CCDC175: variants seen among roughly 807,000 people sequenced by gnomAD.
CCDC175 encodes coiled-coil domain containing 175.
Under a neutral mutation model 114.6 loss-of-function variants are expected in CCDC175, and 100 were observed. That is an observed-to-expected ratio of 0.87 (90% CI 0.74 to 1.03). The LOEUF is 1.03. Among genes scored for constraint, CCDC175 ranks in the 50% least tolerant of loss-of-function variants. CCDC175 has a pLI of 0.00. For synonymous variants in CCDC175, 306 were observed against 308.7 expected, an observed-to-expected ratio of 0.99 and a Z score of 0.09; for missense variants, 880 against 917.8, an observed-to-expected ratio of 0.96 and a Z score of 0.53.
intron 11 of CCDC175, among the ~76,000 whole-genome samples, chr14:59,540,256 G>C (rs895226697): frequency 6.6e-6 from 1 of 152,212 alleles, no homozygotes; most frequent in Non-Finnish European, 1.5e-5. Context: ...TGGGAGCAAA[G>C]AGAAGTGATT....
chr14:59,539,074 G>C (rs1894597283), intron 11 of CCDC175, among the ~76,000 whole-genome samples: 1 of 152,210 alleles, frequency 6.6e-6, no homozygotes, highest in Non-Finnish European at 1.5e-5. Context: ...CAATAGAACA[G>C]CGAACAAAGC....
At chr14:59,570,482 T>C (rs1397404855) in intron 3 of CCDC175, among the ~76,000 whole-genome samples, 1 of 152,104 alleles carries the variant, frequency 6.6e-6, no homozygotes, top group African/African-American at 2.4e-5. Flanking sequence ...TTGGGCTCTC[T>C]GGGAAACAGA....
chr14:59,511,551 A>AAAAAAAAAAAAAAAAAAAAAAAAG (rs1892748221), intron 18 of CCDC175, among the ~76,000 whole-genome samples: 1 of 147,184 alleles, frequency 6.8e-6, no homozygotes, highest in Non-Finnish European at 1.5e-5. Flanking sequence ...TATTTGGTAA[A>AAAAAAAAAAAAAAAAAAAAAAAAG]AAAAAAAAAA....
At chr14:59,505,582 G>T (rs1478056409) in intron 19 of CCDC175, among the ~76,000 whole-genome samples, 1 of 152,104 alleles carries the variant, frequency 6.6e-6, no homozygotes, top group African/African-American at 2.4e-5. Flanking sequence ...CAATTACAAG[G>T]CCTCACGGGC....
chr14:59,540,919 T>C (rs1894745616), intron 10 of CCDC175, among the ~76,000 whole-genome samples, 173 bp from the exon 11 acceptor site: 3 of 152,164 alleles, frequency 2.0e-5, no homozygotes, highest in Non-Finnish European at 2.9e-5. Context: ...ATTGCAATTC[T>C]ATGTTAGTGC....
chr14:59,505,367 G>C, intron 19 of CCDC175, 52 bp from the exon 20 acceptor site: 2 of 988,988 alleles, frequency 2.0e-6, no homozygotes, highest in Non-Finnish European at 2.9e-6. Context: ...GCACACATTT[G>C]GGGGGTTATT....
At chr14:59,528,279 CTCTT>C (rs934611901) in intron 14 of CCDC175, among the ~76,000 whole-genome samples, 1 of 152,100 alleles carries the variant, frequency 6.6e-6, no homozygotes, top group Non-Finnish European at 1.5e-5. Flanking sequence ...TTAGGATCCT[CTCTT>C]TCCATTTTTC....
chr14:59,519,972 G>C (rs918017082), intron 17 of CCDC175, among the ~76,000 whole-genome samples: 1 of 152,200 alleles, frequency 6.6e-6, no homozygotes, highest in Non-Finnish European at 1.5e-5. Flanking sequence ...TTCAGACACA[G>C]GAATGAGTGA....
intron 1 of CCDC175, among the ~76,000 whole-genome samples, chr14:59,575,505 CTTTTTTTT>C (rs58872671): frequency 1.0e-5 from 1 of 98,414 alleles, no homozygotes; most frequent in Non-Finnish European, 2.0e-5. Flanking sequence ...GGTAACATTC[CTTTTTTTT>C]TTTTTTTTTT....
chr14:59,508,417 C>CACACACACACACACACACACACAG (rs1566589735), intron 19 of CCDC175, among the ~76,000 whole-genome samples: 10 of 146,958 alleles, frequency 6.8e-5, no homozygotes, highest in South Asian at 4.4e-4. Context: ...CACACACACA[C>CACACACACACACACACACACACAG]ACACACACAC....
At chr14:59,552,279 G>A (rs538158996) in intron 7 of CCDC175, among the ~76,000 whole-genome samples, 1 of 152,336 alleles carries the variant, frequency 6.6e-6, no homozygotes, top group African/African-American at 2.4e-5. Flanking sequence ...GCTTGCAGAG[G>A]AATGATCAGG....
intron 8 of CCDC175, among the ~76,000 whole-genome samples, chr14:59,548,382 T>C (rs1392810381): frequency 1.3e-5 from 2 of 152,148 alleles, no homozygotes; most frequent in Admixed American, 1.3e-4. Flanking sequence ...ATGAGAATTA[T>C]GATTGGATGT....
chr14:59,508,399 TAC>T (rs71451066), intron 19 of CCDC175, among the ~76,000 whole-genome samples: 5,851 of 97,318 alleles, frequency 0.06, 204 homozygotes, highest in East Asian at 0.07. Flanking sequence ...GTCTCCAAAA[TAC>T]ACACACACAC....
In CCDC175 at chr14:59,531,432, C is replaced by T. The variant is rs539670065; in HGVS notation, c.1762+340G>A. Among the ~76,000 whole-genome samples the T allele has an allele frequency of 6.6e-5, 10 of 151,842 alleles. No homozygotes were observed. In the East Asian group the frequency reaches 7.7e-4, roughly 12 times the overall value. ...AAAAGAGATATAATTTGCAAATTCACGGTAAGAAAATACAAAAAAAATTCC... is the reference window on the plus strand; with the variant it reads ...AAAAGAGATATAATTTGCAAATTCATGGTAAGAAAATACAAAAAAAATTCC... On this transcript the variant is annotated intron_variant, in intron 14 of 19. Coordinates refer to ENST00000537690, the MANE Select transcript of CCDC175 (RefSeq NM_001164399.2).
chr14:59,505,681 T>C (rs1412114443), intron 19 of CCDC175, among the ~76,000 whole-genome samples: 2 of 152,224 alleles, frequency 1.3e-5, no homozygotes, highest in African/African-American at 4.8e-5. Context: ...CCACTGTAGT[T>C]GCTAATTTTA....
intron 7 of CCDC175, among the ~76,000 whole-genome samples, chr14:59,552,119 A>G (rs1895544130): frequency 6.6e-6 from 1 of 152,230 alleles, no homozygotes; most frequent in Admixed American, 6.5e-5. Context: ...TGAAGAGAGT[A>G]GTGGTTCTCC....
intron 18 of CCDC175, among the ~76,000 whole-genome samples, chr14:59,511,237 T>C (rs1013710982): frequency 6.6e-6 from 1 of 152,160 alleles, no homozygotes; most frequent in Non-Finnish European, 1.5e-5. Context: ...CAGCTCCATG[T>C]GAAAAAGACA....
intron 14 of CCDC175, among the ~76,000 whole-genome samples, chr14:59,530,644 T>C (rs1894015261): frequency 6.6e-6 from 1 of 152,086 alleles, no homozygotes; most frequent in Non-Finnish European, 1.5e-5. Flanking sequence ...CCATGTATTA[T>C]TATTATAACA....
chr14:59,524,635 C>T (rs1307593872), intron 16 of CCDC175, among the ~76,000 whole-genome samples: 1 of 152,160 alleles, frequency 6.6e-6, no homozygotes, highest in African/African-American at 2.4e-5. Context: ...GCAATTGGTG[C>T]AACTCCTTTG....
Sources: gnomAD v4.1 joint callset for allele counts (sites outside exome capture counted in the v4.1 genomes callset) on GRCh38, gnomAD v4.1.1 for gene constraint, MANE v1.5 for transcripts, NCBI Gene and HGNC (gene_info 2026-07-23, HGNC 2026-07-21) for gene names.